SLC24A2: variants seen among roughly 807,000 people sequenced by gnomAD.
SLC24A2 encodes the protein sodium/potassium/calcium exchanger 2.
In SLC24A2, 36 loss-of-function variants were observed where a neutral mutation model predicts 62.0. The ratio of observed to expected loss-of-function variants is 0.58; its 90% CI spans 0.44 to 0.77. SLC24A2 has a LOEUF of 0.77. SLC24A2 is among the 30% of genes least tolerant of loss of function. The pLI is 0.00. For missense variants in SLC24A2, 846 were observed against 817.9 expected, an observed-to-expected ratio of 1.03 and a Z score of -0.42; for synonymous variants, 358 against 294.0, an observed-to-expected ratio of 1.22 and a Z score of -2.23.
intron 2 of SLC24A2, among the ~76,000 whole-genome samples, chr9:19,693,682 A>T (rs995210691): frequency 6.6e-6 from 1 of 152,164 alleles, no homozygotes; most frequent in Non-Finnish European, 1.5e-5. Context: ...CCCTCCTAAA[A>T]GGTCAGTTTC....
rs1832875555 is a variant in SLC24A2 at position 19,515,141 on chromosome 9, G to A, written c.*1012C>T. The A allele has an allele frequency of 6.6e-6, 1 of 152,014 alleles. No homozygotes were observed. The highest frequency in any genetic ancestry group is 1.5e-5 in the Non-Finnish European group (1 of 68,010). The allele number at this position is 152,014 out of a possible 1,614,324, so 9.4% of individuals were successfully genotyped here. On this transcript the variant is annotated 3_prime_UTR_variant, in exon 11 of 11. Transcript: ENST00000341998. The stretch of plus-strand genomic sequence containing the variant: ...TTCTTTTGATGATAATGGGACATGC[G>A]CTGGAAAAATACAGGTTCAGTTTAT...
At chr9:20,115,855 G>T in the SLC24A2 span, among the ~76,000 whole-genome samples, 1 of 152,122 alleles carries the variant, frequency 6.6e-6, no homozygotes, top group Non-Finnish European at 1.5e-5. Flanking sequence ...GTTTCAATTT[G>T]AGACAATTTT....
the SLC24A2 span, among the ~76,000 whole-genome samples, chr9:20,170,908 C>T: frequency 1.3e-5 from 2 of 151,992 alleles, no homozygotes; most frequent in African/African-American, 4.8e-5. Flanking sequence ...TGCCTAGGCA[C>T]ATTGTCATCA....
the SLC24A2 span, among the ~76,000 whole-genome samples, chr9:20,066,651 G>C: frequency 6.6e-6 from 1 of 152,082 alleles, no homozygotes; most frequent in Non-Finnish European, 1.5e-5. Flanking sequence ...ATGGAACATG[G>C]GTATTAATTA....
chr9:19,966,323 G>A, the SLC24A2 span, among the ~76,000 whole-genome samples: 1 of 152,138 alleles, frequency 6.6e-6, no homozygotes, highest in Non-Finnish European at 1.5e-5. Flanking sequence ...GTGTGTGCAT[G>A]CCCATAATAG....
rs145070408 is a variant in SLC24A2 at position 19,510,376 on chromosome 9, C to A, written c.*5777G>T. Reference sequence around the variant, plus strand: ...TGAAAATAGGTAAAGAGTCACATAGCGGTAACTTCCAACTATGGGGCAAAG... The same window carrying A: ...TGAAAATAGGTAAAGAGTCACATAGAGGTAACTTCCAACTATGGGGCAAAG... On this transcript the variant is annotated 3_prime_UTR_variant, in exon 11 of 11. Coordinates refer to ENST00000341998, the MANE Select transcript of SLC24A2 (RefSeq NM_020344.4). 1.6e-4 allele frequency: 22 copies of A among 139,830 alleles called. No individual in the cohort carries two copies. The highest frequency in any genetic ancestry group is 1.1e-3 in the South Asian group (5 of 4,462). The allele number at this position is 139,830 out of a possible 1,614,324, so 8.7% of individuals were successfully genotyped here. A position where few individuals can be genotyped will look rare whatever the true frequency, so the allele number is the denominator to read the frequency against.
chr9:19,713,051 C>G (rs146432545), intron 2 of SLC24A2, among the ~76,000 whole-genome samples: 129 of 152,298 alleles, frequency 8.5e-4, no homozygotes, highest in African/African-American at 2.9e-3. Flanking sequence ...TTTCAAAACC[C>G]TACACCTCTC....
At chr9:20,199,968 T>C in the SLC24A2 span, among the ~76,000 whole-genome samples, 2 of 150,912 alleles carry the variant, frequency 1.3e-5, no homozygotes, top group African/African-American at 4.9e-5. Flanking sequence ...TGACCTCAGG[T>C]GATCCGCCCA....
the SLC24A2 span, among the ~76,000 whole-genome samples, chr9:20,293,336 C>T: frequency 6.6e-6 from 1 of 152,226 alleles, no homozygotes; most frequent in African/African-American, 2.4e-5. Context: ...AAGAGGGCCT[C>T]ATCTAAGAGA....
intron 2 of SLC24A2, among the ~76,000 whole-genome samples, chr9:19,741,972 G>C (rs570579680): frequency 1.3e-5 from 2 of 152,276 alleles, no homozygotes; most frequent in Non-Finnish European, 2.9e-5. Flanking sequence ...AGTTAGTATA[G>C]TATGCAATGG....
At chr9:19,942,382 A>G in the SLC24A2 span, among the ~76,000 whole-genome samples, 3 of 152,196 alleles carry the variant, frequency 2.0e-5, no homozygotes, top group African/African-American at 7.2e-5. Context: ...GAGAGGGTGA[A>G]TAACTTGTCC....
chr9:20,066,755 G>T, the SLC24A2 span, among the ~76,000 whole-genome samples: 1 of 152,152 alleles, frequency 6.6e-6, no homozygotes, highest in African/African-American at 2.4e-5. Context: ...AATAAAAATA[G>T]CCCACACTCA....
At chr9:19,936,978 T>C in the SLC24A2 span, among the ~76,000 whole-genome samples, 2 of 152,216 alleles carry the variant, frequency 1.3e-5, no homozygotes, top group South Asian at 4.1e-4. Context: ...CTCACTCGTA[T>C]GTTCCCACAC....
intron 2 of SLC24A2, among the ~76,000 whole-genome samples, chr9:19,624,191 G>A (rs1294197494): frequency 1.3e-5 from 2 of 152,172 alleles, no homozygotes; most frequent in African/African-American, 2.4e-5. Flanking sequence ...AGCAAGCTCA[G>A]CCTTTAGACA....
chr9:20,303,118 CTG>C, the SLC24A2 span, among the ~76,000 whole-genome samples: 1 of 146,824 alleles, frequency 6.8e-6, no homozygotes, highest in Admixed American at 6.8e-5. Flanking sequence ...ATAGATATAT[CTG>C]TATTTTTTTT....
the SLC24A2 span, among the ~76,000 whole-genome samples, chr9:20,291,116 C>T: frequency 2.0e-5 from 3 of 152,022 alleles, no homozygotes; most frequent in African/African-American, 4.8e-5. Context: ...AAGGAGCATA[C>T]GGAAGTCATG....
rs548574614 is a variant in SLC24A2, at chr9:19,665,415, A to G, written c.931-43116T>C. Among the ~76,000 whole-genome samples the G allele has an allele frequency of 2.0e-5, 3 of 152,176 alleles. No individual in the cohort carries two copies. In the East Asian group the frequency reaches 5.8e-4, roughly 29 times the overall value. ...GGATGCTCAGGTTTCTGGCCTGGGT[A>G]ACTGGGTGGGTGTTTATGCCATCGT... On this transcript the variant is annotated intron_variant, in intron 2 of 10. Transcript: ENST00000341998.
the SLC24A2 span, among the ~76,000 whole-genome samples, chr9:20,273,085 A>G: frequency 6.6e-6 from 1 of 152,178 alleles, no homozygotes; most frequent in Non-Finnish European, 1.5e-5. Flanking sequence ...TGTCTAACCA[A>G]TACCACACCC....
intron 9 of SLC24A2, among the ~76,000 whole-genome samples, chr9:19,526,755 G>GAT (rs982150265): frequency 6.6e-6 from 1 of 152,056 alleles, no homozygotes; most frequent in African/African-American, 2.4e-5. Flanking sequence ...TGCTTTATCA[G>GAT]ATATATATGA....
Sources: allele counts gnomAD v4.1 joint callset (sites outside exome capture counted in the v4.1 genomes callset), GRCh38; gene constraint gnomAD v4.1.1; transcripts MANE v1.5; gene names NCBI Gene and HGNC (gene_info 2026-07-23, HGNC 2026-07-21).